Variants in SSBP3 observed in about 807,000 individuals in gnomAD.
The protein encoded by SSBP3 is single-stranded DNA-binding protein 3.
Under a neutral mutation model 69.6 loss-of-function variants are expected in SSBP3, and 5 were observed. That is an observed-to-expected ratio of 0.07 (90% CI 0.04 to 0.15). The LOEUF is 0.15. Ranked by LOEUF, SSBP3 falls within the 10% of genes least tolerant of loss-of-function variation. SSBP3 has a pLI of 1.00. For missense variants in SSBP3, 312 were observed against 534.0 expected (o/e 0.58, Z 4.10); for synonymous variants, 196 against 193.4 (o/e 1.01, Z -0.11).
chr1:54,334,845 C>T (rs145496290), intron 4 of SSBP3, among the ~76,000 whole-genome samples: 12 of 152,308 alleles, frequency 7.9e-5, no homozygotes, highest in Admixed American at 1.3e-4. Context: ...TCTCACTTGC[C>T]GTTCAAATGA....
intron 5 of SSBP3, among the ~76,000 whole-genome samples, chr1:54,260,398 TG>T (rs1315383586): frequency 6.6e-6 from 1 of 152,172 alleles, no homozygotes; most frequent in Non-Finnish European, 1.5e-5. Flanking sequence ...GTGTGCCCAG[TG>T]GTCAGGGAGG....
At chr1:54,281,288 A>T (rs748325362) in intron 5 of SSBP3, 150 bp downstream of exon 5, 7 of 638,710 alleles carry the variant, frequency 1.1e-5, no homozygotes, top group Non-Finnish European at 1.9e-5. Context: ...GTTGAAAGGG[A>T]TGGGAAGGGA....
intron 5 of SSBP3, among the ~76,000 whole-genome samples, chr1:54,269,433 T>C (rs1014026877): frequency 2.0e-5 from 3 of 152,170 alleles, no homozygotes; most frequent in Non-Finnish European, 4.4e-5. Context: ...GGGGACACTA[T>C]GGTCCAGGAA....
intron 4 of SSBP3, among the ~76,000 whole-genome samples, chr1:54,351,075 C>T (rs1376884358): frequency 6.6e-6 from 1 of 152,156 alleles, no homozygotes; most frequent in Non-Finnish European, 1.5e-5. Flanking sequence ...AATCTGCCCA[C>T]CTCGGCCTCC....
At chr1:54,347,260 G>A (rs553961089) in intron 4 of SSBP3, among the ~76,000 whole-genome samples, 2 of 151,636 alleles carry the variant, frequency 1.3e-5, no homozygotes, top group South Asian at 4.2e-4. Flanking sequence ...GAGCCACCGT[G>A]CCCAGCCCTC....
intron 4 of SSBP3, among the ~76,000 whole-genome samples, chr1:54,288,279 G>C (rs758719324): frequency 6.6e-6 from 1 of 152,194 alleles, no homozygotes; most frequent in Non-Finnish European, 1.5e-5. Flanking sequence ...CCTACTGTGT[G>C]ATCTGATCAG....
At chr1:54,225,612 G>T (rs752574050) in exon 18 of SSBP3, 128 of 377,314 alleles carry the variant, frequency 3.4e-4, no homozygotes, top group Non-Finnish European at 5.1e-4. Context: ...TCAGGCAGAT[G>T]ATATCTCACA....
chr1:54,383,178 G>C (rs529963453), intron 4 of SSBP3, among the ~76,000 whole-genome samples: 1 of 151,404 alleles, frequency 6.6e-6, no homozygotes, highest in Non-Finnish European at 1.5e-5. Flanking sequence ...GTTTGAGACC[G>C]GCCTGGGCAA....
intron 5 of SSBP3, among the ~76,000 whole-genome samples, chr1:54,276,909 C>T (rs138154868): frequency 0.016 from 2,371 of 152,250 alleles, 50 homozygotes; most frequent in African/African-American, 0.052. Context: ...GCTGCACTGC[C>T]TCCAGGAATG....
At chr1:54,393,719 T>C (rs1648658641) in intron 4 of SSBP3, among the ~76,000 whole-genome samples, 2 of 152,246 alleles carry the variant, frequency 1.3e-5, no homozygotes. Flanking sequence ...ATTGTGTGTA[T>C]ATGTGTAAAC....
chr1:54,346,325 CAAA>C (rs879480958), intron 4 of SSBP3, among the ~76,000 whole-genome samples: 4 of 121,930 alleles, frequency 3.3e-5, no homozygotes, highest in African/African-American at 6.1e-5. Flanking sequence ...ACTCCATCTC[CAAA>C]AAAAAAAAAA....
chr1:54,382,732 T>C (rs879907321), intron 4 of SSBP3, among the ~76,000 whole-genome samples: 1 of 152,034 alleles, frequency 6.6e-6, no homozygotes, highest in Non-Finnish European at 1.5e-5. Context: ...ATGCCTATAA[T>C]CCCAGCACTT....
chr1:54,274,992 C>A (rs991229929), intron 5 of SSBP3, among the ~76,000 whole-genome samples: 100 of 152,298 alleles, frequency 6.6e-4, no homozygotes, highest in African/African-American at 2.4e-3. Flanking sequence ...CTCGGAGAGG[C>A]TTCCCCAGAC....
chr1:54,251,613 T>A lies in SSBP3; in HGVS notation c.651+3A>T. 6.4e-7 allele frequency: 1 copy of A among 1,551,414 alleles called. No homozygotes were observed. The highest frequency in any genetic ancestry group is 2.4e-5 in the East Asian group (1 of 40,948). ...GACGGACGGACAGACAGGCGGTGGTTACCTGTGGGCCGGGACCCATGGGCC... is the reference window on the plus strand; with the variant it reads ...GACGGACGGACAGACAGGCGGTGGTAACCTGTGGGCCGGGACCCATGGGCC... On this transcript the variant is annotated splice_donor_region_variant and intron_variant, in intron 9 of 17. Coordinates refer to ENST00000610401, the Ensembl canonical transcript of SSBP3.
chr1:54,281,923 C>T (rs1404212320), intron 4 of SSBP3, among the ~76,000 whole-genome samples: 1 of 151,962 alleles, frequency 6.6e-6, no homozygotes, highest in African/African-American at 2.4e-5. Flanking sequence ...ATAGGGAGAC[C>T]CCGTCCCTAC....
At chr1:54,378,566 G>A (rs143302094) in intron 4 of SSBP3, among the ~76,000 whole-genome samples, 6 of 152,312 alleles carry the variant, frequency 3.9e-5, no homozygotes, top group Non-Finnish European at 5.9e-5. Flanking sequence ...CTGCTCCCTC[G>A]GAAGGGACTG....
chr1:54,233,231 T>C (rs1489672689), intron 14 of SSBP3, among the ~76,000 whole-genome samples: 4 of 139,884 alleles, frequency 2.9e-5, no homozygotes, highest in South Asian at 2.4e-4. Context: ...TCTGCCCCGC[T>C]GCCCCATCTG....
At chr1:54,228,307 CGAG>C (rs1171995747) in exon 17 of SSBP3, 1 of 1,613,938 alleles carries the variant, frequency 6.2e-7, no homozygotes, top group Non-Finnish European at 8.5e-7. Context: ...GCCGTCATCT[CGAG>C]GGGTGCCTGG....
Position 54,251,717 on chromosome 1 carries a change from T to G in SSBP3, c.575-25A>C, listed in dbSNP as rs778054504. The G allele has an allele frequency of 2.5e-6, 4 of 1,579,314 alleles. No homozygotes were observed. In the South Asian group the frequency reaches 4.6e-5, roughly 18 times the overall value. On this transcript the variant is annotated intron_variant, in intron 8 of 17. Coordinates refer to ENST00000610401, the Ensembl canonical transcript of SSBP3. ...CCTGCGTGAGAGAGGAGGCGCGTCA[T>G]GGGATGGCAGGAGTGGAGGGAGGAG... is the stretch of plus-strand genomic sequence containing the variant.
Sources: allele counts gnomAD v4.1 joint callset (sites outside exome capture counted in the v4.1 genomes callset), GRCh38; gene constraint gnomAD v4.1.1; transcripts MANE v1.5; gene names NCBI Gene and HGNC (gene_info 2026-07-23, HGNC 2026-07-21).